Variants in OTOGL observed in about 807,000 individuals in gnomAD.
The protein encoded by OTOGL is otogelin like, also known as otogelin-like protein.
Under a neutral mutation model 318.5 loss-of-function variants are expected in OTOGL, and 285 were observed. The observed-to-expected ratio is 0.89, with a 90% CI of 0.81 to 0.99. The LOEUF (loss-of-function observed/expected upper bound fraction) is 0.99. Among genes scored for constraint, OTOGL ranks in the 50% least tolerant of loss-of-function variants. The pLI, the probability that OTOGL is intolerant of heterozygous loss-of-function variation, is 0.00. For synonymous variants in OTOGL, 987 were observed against 936.5 expected, an observed-to-expected ratio of 1.05 and a Z score of -0.99; for missense variants, 2,899 against 2,845.6, an observed-to-expected ratio of 1.02 and a Z score of -0.43.
intron 1 of OTOGL, among the ~76,000 whole-genome samples, chr12:80,168,390 C>T (rs965726592): frequency 8.5e-5 from 13 of 152,186 alleles, no homozygotes; most frequent in Middle Eastern, 3.4e-3. Flanking sequence ...AATTTGTCCA[C>T]GTATAGTTCA....
At chr12:80,131,530 T>C (rs1381710354) in intron 1 of OTOGL, among the ~76,000 whole-genome samples, 1 of 152,250 alleles carries the variant, frequency 6.6e-6, no homozygotes, top group Non-Finnish European at 1.5e-5. Context: ...CAGTGAATTA[T>C]GTCCTATGAG....
At chr12:80,377,259 T>C in intron 58 of OTOGL, 57 bp downstream of exon 58, 2 of 1,358,438 alleles carry the variant, frequency 1.5e-6, no homozygotes, top group South Asian at 2.7e-5. Flanking sequence ...AGAAAGTATG[T>C]GTGTTACAGA....
At chr12:80,283,150 A>G (rs1039389399) in intron 26 of OTOGL, among the ~76,000 whole-genome samples, 5 of 145,602 alleles carry the variant, frequency 3.4e-5, no homozygotes, top group African/African-American at 1.3e-4. Context: ...CTGACACTCA[A>G]TTTCTTGACT....
intron 52 of OTOGL, among the ~76,000 whole-genome samples, chr12:80,366,038 T>C (rs1393590144): frequency 1.3e-5 from 2 of 152,124 alleles, no homozygotes; most frequent in African/African-American, 4.8e-5. Context: ...CTGAACTCTT[T>C]ACATATATTG....
chr12:80,246,030 T>C (rs1267911062), intron 11 of OTOGL, among the ~76,000 whole-genome samples: 1 of 150,566 alleles, frequency 6.6e-6, no homozygotes. Context: ...GAGACTTTGC[T>C]GAAGTTGCTT....
chr12:80,296,855 T>C lies in OTOGL; in HGVS notation c.2957T>C (p.Ile986Thr). 6.6e-7 allele frequency: 1 copy of C among 1,522,434 alleles called. No homozygotes were observed. Among genetic ancestry groups the C allele is most frequent in the Non-Finnish European group, 8.8e-7 (1 of 1,135,144 alleles). 94.3% of individuals were successfully genotyped at this position (1,522,434 alleles called of 1,614,324 possible). ...KSADDSDISVIAQNKKCFDND... is the reference protein window; with the variant it reads ...KSADDSDISVTAQNKKCFDND... The stretch of plus-strand genomic sequence containing the variant: ...GCAGATGATTCAGATATATCTGTCA[T>C]TGCCCAGAACAAGAAATGCTTTGAC... The change falls in exon 27 of 59, where the codon ATT (isoleucine) becomes ACT (threonine). Residue 986 changes from isoleucine (I) to threonine (T), a missense_variant. Around this residue, in one of 3 missense-constraint regions of OTOGL, gnomAD observed 2,607 missense variants for 2,524.9 expected, o/e 1.03. Coordinates refer to ENST00000547103, the MANE Select transcript of OTOGL (RefSeq NM_001378609.3).
At chr12:80,148,486 AT>A (rs1271114474) in intron 1 of OTOGL, among the ~76,000 whole-genome samples, 10 of 147,712 alleles carry the variant, frequency 6.8e-5, no homozygotes, top group Non-Finnish European at 1.5e-4. Context: ...TGCCCTTAAC[AT>A]TTTTTCCTTC....
chr12:80,245,946 T>C, intron 11 of OTOGL, among the ~76,000 whole-genome samples: 1 of 129,126 alleles, frequency 7.7e-6, no homozygotes. Context: ...AGTTCACTCA[T>C]GATTTGGCTC....
Position 80,256,416 on chromosome 12 carries a change from G to A in OTOGL, c.1667G>A (p.Gly556Glu), listed in dbSNP as rs1264606414. The A allele has an allele frequency of 3.1e-6, 5 of 1,590,658 alleles. No homozygotes were observed. The highest frequency in any genetic ancestry group is 4.3e-6 in the Non-Finnish European group (5 of 1,175,266). The change falls in exon 17 of 59, where the codon GGA becomes GAA. Residue 556 changes from glycine (G) to glutamate (E), a missense_variant. Transcript: ENST00000547103. ...DFNKQVTLGR[G>E]GQILTSPNQG... ...AACAAACAAGTGACCCTTGGTAGGG[G>A]AGGACAAATTCTCACTAGTCCTAAC...
chr12:80,357,321 A>G (rs1034899028), intron 49 of OTOGL, among the ~76,000 whole-genome samples: 2 of 152,214 alleles, frequency 1.3e-5, no homozygotes, highest in Admixed American at 1.3e-4. Context: ...TCAAAAAAGA[A>G]TGGCAGAAAG....
Position 80,219,881 on chromosome 12 carries a change from A to G in OTOGL, c.303A>G (p.Ile101Met), listed in dbSNP as rs1878131878. ...AGACTGGAACATGTGACTGTCAAAT[A>G]TTTCAGGCTCTTGGGACAAGATGCC... is the stretch of plus-strand genomic sequence containing the variant. Reference protein sequence around the residue: ...CSKTGTCDCQIFQALGTRCQI... With the variant: ...CSKTGTCDCQMFQALGTRCQI... The change falls in exon 6 of 59, where the codon ATA (isoleucine) becomes ATG (methionine). Residue 101 changes from isoleucine (I) to methionine (M), a missense_variant. Ile to Met is a conservative substitution (Grantham distance 10, BLOSUM62 1). Transcript: ENST00000547103. 6.3e-7 allele frequency: 1 copy of G among 1,590,002 alleles called. No homozygotes were observed. Among genetic ancestry groups the G allele is most frequent in the East Asian group, 2.2e-5 (1 of 44,746 alleles).
rs1886781328 is a variant in OTOGL, at chr12:80,313,553, G to A, written c.3528G>A (p.Leu1176=). The part of the protein sequence containing the change: ...NCNLGGDCEC[L]CTSIAAYAYK... The stretch of plus-strand genomic sequence containing the variant: ...ATCTTGGTGGCGACTGTGAGTGTTT[G>A]TGCACTAGTATAGCTGCATATGCAT... Residue 1176 remains leucine, a synonymous_variant, in exon 31 of 59, where the codon TTG becomes TTA. Coordinates refer to ENST00000547103, the MANE Select transcript of OTOGL (RefSeq NM_001378609.3). 1 of 1,611,940 alleles carries A rather than the reference G, an allele frequency of 6.2e-7. No homozygotes were observed. The highest frequency in any genetic ancestry group is 8.5e-7 in the Non-Finnish European group (1 of 1,178,360).
At chr12:80,244,989 C>T (rs1880743577) in intron 11 of OTOGL, among the ~76,000 whole-genome samples, 1 of 148,892 alleles carries the variant, frequency 6.7e-6, no homozygotes, top group Non-Finnish European at 1.5e-5. Flanking sequence ...CTGTTCTTTG[C>T]CCACTTTTTG....
chr12:80,366,443 T>C (rs1890533662), intron 52 of OTOGL, 131 bp from the exon 53 acceptor site: 4 of 447,442 alleles, frequency 8.9e-6, no homozygotes, highest in Middle Eastern at 3.3e-4. Flanking sequence ...AAGGGACTTA[T>C]TAGATGTTAT....
Position 80,379,597 on chromosome 12 carries a change from A to T in OTOGL, c.*1549A>T, listed in dbSNP as rs1891357621. ...TTAACATATAGATATATAAAATTAA[A>T]TGTTTTTGGTTAAAATATATTAATA... On this transcript the variant is annotated 3_prime_UTR_variant, in exon 59 of 59. Transcript: ENST00000547103. 1 of 151,576 alleles carries T rather than the reference A, an allele frequency of 6.6e-6. No individual in the cohort carries two copies. The highest frequency in any genetic ancestry group is 1.5e-5 in the Non-Finnish European group (1 of 67,794). The allele number at this position is 151,576 out of a possible 1,614,324, so 9.4% of individuals were successfully genotyped here. A position where few individuals can be genotyped will look rare whatever the true frequency, so the allele number is the denominator to read the frequency against.
Position 80,302,794 on chromosome 12 carries a change from C to G in OTOGL, c.3213+11C>G, listed in dbSNP as rs1455563733. The G allele has an allele frequency of 6.9e-7, 1 of 1,454,020 alleles. No homozygotes were observed. Among genetic ancestry groups the G allele is most frequent in the East Asian group, 2.4e-5 (1 of 41,098 alleles). The allele number at this position is 1,454,020 out of a possible 1,614,324, so 90.1% of individuals were successfully genotyped here. ...GGGCCACAGTGGAAGGTAGGTCAAC[C>G]TAAGCTCCAAATGAGATGTAATGAA... is the stretch of plus-strand genomic sequence containing the variant. On this transcript the variant is annotated intron_variant, in intron 28 of 58. Transcript: ENST00000547103.
At chr12:80,317,337 G>A (rs985750576) in intron 32 of OTOGL, among the ~76,000 whole-genome samples, 4 of 152,096 alleles carry the variant, frequency 2.6e-5, no homozygotes, top group Non-Finnish European at 4.4e-5. Context: ...CCAGTTGCTG[G>A]TGAAAATAGT....
At chr12:80,223,460 T>G (rs1391009884) in intron 7 of OTOGL, among the ~76,000 whole-genome samples, 1 of 152,086 alleles carries the variant, frequency 6.6e-6, no homozygotes, top group East Asian at 1.9e-4. Context: ...GTAGGATTGC[T>G]GGGTCAAATG....
At position 80,108,953 on chromosome 12, in the gene OTOGL, T is replaced by TATAC. The variant is rs1555268625; in HGVS notation, c.-20+9349_-20+9350insTACA. On this transcript the variant is annotated intron_variant, in intron 1 of 58. Coordinates refer to ENST00000547103, the MANE Select transcript of OTOGL (RefSeq NM_001378609.3). ...ATGTGTGTGTATATATATATATATA[T>TATAC]ACACACACACATATATAATTTACGG... Among the ~76,000 whole-genome samples the TATAC allele has an allele frequency of 1.7e-3, 241 of 142,738 alleles. 2 individuals carry two copies. The highest frequency in any genetic ancestry group is 6.0e-3 in the African/African-American group (231 of 38,252). The allele number at this position is 142,738 out of a possible 152,430, so 93.6% of individuals were successfully genotyped here.
Sources: gnomAD v4.1 joint callset for allele counts (sites outside exome capture counted in the v4.1 genomes callset) on GRCh38, gnomAD v4.1.1 for gene constraint, gnomAD v4.1.1 regional missense constraint, MANE v1.5 for transcripts, NCBI Gene and HGNC (gene_info 2026-07-23, HGNC 2026-07-21) for gene names.